The following C3 variants were observed in gnomAD, a reference collection of about 807,000 sequenced individuals.
C3 encodes C3 and PZP-like alpha-2-macroglobulin domain-containing protein 1.
In C3, 97 loss-of-function variants were observed where a neutral mutation model predicts 207.9. That is an observed-to-expected ratio of 0.47 (90% CI 0.40 to 0.55). The LOEUF (loss-of-function observed/expected upper bound fraction) is 0.55. C3 is among the 20% of genes least tolerant of loss of function. C3 has a pLI of 0.00. For missense variants in C3, 1,684 were observed against 2,171.7 expected, an observed-to-expected ratio of 0.78 and a Z score of 4.46; for synonymous variants, 848 against 857.6, an observed-to-expected ratio of 0.99 and a Z score of 0.20.
rs1329794030 is a variant in C3 at position 6,686,915 on chromosome 19, G to C, written c.3490-13C>G. On this transcript the variant is annotated splice_polypyrimidine_tract_variant and intron_variant, in intron 27 of 40. Coordinates refer to ENST00000245907, the MANE Select transcript of C3 (RefSeq NM_000064.4). ...TGCCTGGCAGGCTCTATGAGAAAGA[G>C]GATCAGATTCTCCGGTCATGTGGGC... 1 of 1,613,910 alleles carries C rather than the reference G, an allele frequency of 6.2e-7. No individual in the cohort carries two copies. The highest frequency in any genetic ancestry group is 8.5e-7 in the Non-Finnish European group (1 of 1,179,922).
Position 6,693,450 on chromosome 19 carries a change from A to T in C3, c.3192T>A (p.Ser1064=). The change falls in exon 25 of 41, where the codon TCT becomes TCA. Residue 1064 remains serine, a synonymous_variant. Coordinates refer to ENST00000245907, the MANE Select transcript of C3 (RefSeq NM_000064.4). ...TQQLAFRQPS[S]AFAAFVKRAP... is the part of the protein sequence containing the mutation. ...CCCGTTTCACGAAGGCCGCAAAGGC[A>T]GAGCTGGGTTGTCTGAAGGCCAGCT... 6.2e-7 allele frequency: 1 copy of T among 1,612,794 alleles called. No homozygotes were observed. The highest frequency in any genetic ancestry group is 1.1e-5 in the South Asian group (1 of 90,800).
chr19:6,681,901 G>T, intron 35 of C3, 40 bp downstream of exon 35: 1 of 1,399,990 alleles, frequency 7.1e-7, no homozygotes, highest in Non-Finnish European at 1.0e-6. Flanking sequence ...AGGTCAGGGT[G>T]CCCCTGGAAG....
At chr19:6,709,618 C>CAACA in intron 14 of C3, 66 bp downstream of exon 14, 1 of 1,104,164 alleles carries the variant, frequency 9.1e-7, no homozygotes, top group Non-Finnish European at 1.4e-6. Context: ...CAGTCCCACC[C>CAACA]ACCTCCCCCA....
At chr19:6,702,682 GA>G in intron 17 of C3, 103 bp from the exon 18 acceptor site, 1 of 805,542 alleles carries the variant, frequency 1.2e-6, no homozygotes, top group South Asian at 1.4e-5. Flanking sequence ...TGGATCACTT[GA>G]GGCCAGGAGT....
At chr19:6,715,635 T>G (rs1599526730) in intron 4 of C3, among the ~76,000 whole-genome samples, 1 of 150,078 alleles carries the variant, frequency 6.7e-6, no homozygotes, top group Non-Finnish European at 1.5e-5. Context: ...TTTGTTTTTT[T>G]TTTTGAGACG....
At chr19:6,709,586 C>T in intron 14 of C3, 98 bp downstream of exon 14, 1 of 1,307,696 alleles carries the variant, frequency 7.6e-7, no homozygotes. Flanking sequence ...TCAGCGCATG[C>T]CCCCCACTGC....
chr19:6,684,753 G>T lies in C3; in HGVS notation c.4029+22C>A, dbSNP rs778103060. The stretch of plus-strand genomic sequence containing the variant: ...GGGGCAGAGGGGCATGGGCCAGGCA[G>T]GTGTGGGTTTCTGTTCCTTACCGAC... On this transcript the variant is annotated intron_variant, in intron 31 of 40. Transcript: ENST00000245907. 4.3e-6 allele frequency: 7 copies of T among 1,613,604 alleles called. No individual in the cohort carries two copies. In the East Asian group the frequency reaches 1.1e-4, roughly 26 times the overall value.
chr19:6,716,089 AT>A (rs1369888174), intron 4 of C3, among the ~76,000 whole-genome samples: 2 of 151,992 alleles, frequency 1.3e-5, no homozygotes, highest in Non-Finnish European at 2.9e-5. Context: ...AATCTAGATA[AT>A]TTTTACATTT....
chr19:6,686,421 A>G (rs1918011686), intron 28 of C3, 134 bp from the exon 29 acceptor site: 1 of 943,728 alleles, frequency 1.1e-6, no homozygotes, highest in Non-Finnish European at 1.7e-6. Context: ...GAGGCTCTCA[A>G]TTACTTGGCT....
chr19:6,707,341 C>T, intron 16 of C3, 68 bp from the exon 17 acceptor site: 2 of 1,599,700 alleles, frequency 1.3e-6, no homozygotes, highest in East Asian at 2.2e-5. Flanking sequence ...GGACGCGGGA[C>T]GGACCCCAGG....
intron 14 of C3, 33 bp from the exon 15 acceptor site, chr19:6,707,962 G>C: frequency 6.2e-7 from 1 of 1,611,552 alleles, no homozygotes; most frequent in Non-Finnish European, 8.5e-7. Context: ...GGGACGCAGG[G>C]AGGCCAGGCT....
In C3 at chr19:6,698,856, G is replaced by A. The variant is rs185271637; in HGVS notation, c.2441-1062C>T. 5.1e-4 allele frequency among the ~76,000 whole-genome samples: 77 copies of A among 152,064 alleles called. No homozygotes were observed. The East Asian group carries it at 0.013, about 26-fold the overall frequency. ...GTCACCCAGGCTGGAGTGCAGTGGC[G>A]TGATCTTGGCTCACTACAACCTCTA... On this transcript the variant is annotated intron_variant, in intron 19 of 40. Coordinates refer to ENST00000245907, the MANE Select transcript of C3 (RefSeq NM_000064.4).
At chr19:6,706,643 CAG>C (rs1967779422) in intron 17 of C3, among the ~76,000 whole-genome samples, 1 of 148,306 alleles carries the variant, frequency 6.7e-6, no homozygotes, top group Admixed American at 6.7e-5. Flanking sequence ...CCCCCTCAGA[CAG>C]AGGCCTCCTC....
rs758947979 is a variant in C3, at chr19:6,711,003, C to G, written c.1463G>C (p.Arg488Pro). 1 of 1,614,070 alleles carries G rather than the reference C, an allele frequency of 6.2e-7. No individual in the cohort carries two copies. Among genetic ancestry groups the G allele is most frequent in the Non-Finnish European group, 8.5e-7 (1 of 1,179,986 alleles). Reference protein sequence around the residue: ...RMDRAHEAKIRYYTYLIMNKG... With the variant: ...RMDRAHEAKIPYYTYLIMNKG... ...GCCACGGACCAGGTAGGTGTAGTAG[C>G]GGATCTTGGCCTCGTGGGCGCGGTC... Residue 488 changes from arginine (R) to proline (P), a missense_variant, in exon 12 of 41, where the codon CGC becomes CCC. This residue lies in a region of C3 where 1,280 missense variants were observed against 1,739.1 expected (regional missense o/e 0.74). Transcript: ENST00000245907.
chr19:6,681,540 T>C (rs11569555), intron 35 of C3, among the ~76,000 whole-genome samples: 19,253 of 151,670 alleles, frequency 0.13, 1,255 homozygotes, highest in African/African-American at 0.16. Context: ...AGCAAGACCC[T>C]GTCTCCTGAA....
At chr19:6,688,667 C>T (rs1211029273) in intron 27 of C3, among the ~76,000 whole-genome samples, 1 of 152,220 alleles carries the variant, frequency 6.6e-6, no homozygotes, top group Non-Finnish European at 1.5e-5. Flanking sequence ...TTACAGCACA[C>T]TCTTGACCCC....
intron 17 of C3, among the ~76,000 whole-genome samples, chr19:6,704,223 G>A (rs545210030): frequency 1.7e-4 from 26 of 152,216 alleles, no homozygotes; most frequent in Middle Eastern, 6.8e-3. Context: ...AGAGGTTGAC[G>A]CTGCAGTGAG....
intron 9 of C3, 33 bp downstream of exon 9, chr19:6,713,156 G>T: frequency 6.2e-7 from 1 of 1,612,950 alleles, no homozygotes. Flanking sequence ...CCCACTTGGT[G>T]GTCCTGAGCC....
At chr19:6,703,611 A>G (rs1230876549) in intron 17 of C3, among the ~76,000 whole-genome samples, 5 of 151,994 alleles carry the variant, frequency 3.3e-5, no homozygotes, top group Non-Finnish European at 7.4e-5. Context: ...CATCTCAAAA[A>G]AAGATAATAA....
Sources: allele counts gnomAD v4.1 joint callset (sites outside exome capture counted in the v4.1 genomes callset), GRCh38; gene constraint gnomAD v4.1.1; regional missense constraint gnomAD v4.1.1; transcripts MANE v1.5; gene names NCBI Gene and HGNC (gene_info 2026-07-23, HGNC 2026-07-21).